Variants in RIN3 observed in about 807,000 individuals in gnomAD.
The protein encoded by RIN3 is RAB5 interacting protein 3.
RIN3 carries 54 observed loss-of-function variants against 76.3 expected under a neutral mutation model. That is an observed-to-expected ratio of 0.71 (90% confidence interval 0.57 to 0.89). The LOEUF (loss-of-function observed/expected upper bound fraction) is 0.89, where lower values mean the gene tolerates loss of function less well. RIN3 is among the 40% of genes least tolerant of loss of function. The pLI, the probability that RIN3 is intolerant of heterozygous loss-of-function variation, is 0.00. For synonymous variants in RIN3, 576 were observed against 564.0 expected (o/e 1.02, Z -0.30); for missense variants, 1,256 against 1,322.1 (o/e 0.95, Z 0.78).
chr14:92,632,097 A>C (rs1886607050), intron 4 of RIN3, among the ~76,000 whole-genome samples: 1 of 152,158 alleles, frequency 6.6e-6, no homozygotes, highest in Admixed American at 6.5e-5. Context: ...GGGTGACCCC[A>C]ACCTCAGTCT....
chr14:92,668,943 G>A (rs972037938), intron 7 of RIN3, among the ~76,000 whole-genome samples: 5 of 152,260 alleles, frequency 3.3e-5, no homozygotes, highest in African/African-American at 7.2e-5. Context: ...GCTGTCATAC[G>A]TTTTTATCAA....
intron 3 of RIN3, among the ~76,000 whole-genome samples, chr14:92,595,736 C>A (rs1379841962): frequency 6.6e-6 from 1 of 152,174 alleles, no homozygotes; most frequent in Non-Finnish European, 1.5e-5. Flanking sequence ...GAGACAGATA[C>A]AAAATGCCTT....
chr14:92,666,152 C>A (rs868638106), intron 7 of RIN3, among the ~76,000 whole-genome samples: 1 of 151,898 alleles, frequency 6.6e-6, no homozygotes, highest in Non-Finnish European at 1.5e-5. Flanking sequence ...GTCTTCCCAG[C>A]CCCCTCACCT....
chr14:92,532,125 C>T (rs60067114), intron 1 of RIN3, among the ~76,000 whole-genome samples: 27,974 of 151,960 alleles, frequency 0.18, 2,592 homozygotes, highest in Admixed American at 0.23. Flanking sequence ...GATGAGGTTT[C>T]ACCATGTTGG....
At position 92,643,804 on chromosome 14, in the gene RIN3, T is replaced by C. The variant is rs1887099374; in HGVS notation, c.532+2475T>C. Reference sequence around the variant, plus strand: ...TTAAGTGGGCATAATGGCATGTGCCTGTAATCCCAGCTACTCCGGAGGCTG... The same window carrying C: ...TTAAGTGGGCATAATGGCATGTGCCCGTAATCCCAGCTACTCCGGAGGCTG... On this transcript the variant is annotated intron_variant, in intron 5 of 9. Transcript: ENST00000216487. The surrounding 1 kb of genome is among the most constrained non-coding windows in gnomAD (Gnocchi z 4.8). Among the ~76,000 whole-genome samples, 1 of 152,174 alleles carries C rather than the reference T, an allele frequency of 6.6e-6. No homozygotes were observed. The highest frequency in any genetic ancestry group is 2.1e-4 in the South Asian group (1 of 4,828).
chr14:92,545,101 C>T (rs1555382417), intron 1 of RIN3, among the ~76,000 whole-genome samples: 2 of 129,410 alleles, frequency 1.5e-5, no homozygotes, highest in African/African-American at 2.8e-5. Flanking sequence ...TTTTAACTTT[C>T]TGGTGTTTTT....
At position 92,651,601 on chromosome 14, in the gene RIN3, G is replaced by A; in HGVS notation, c.552G>A (p.Leu184=). The A allele has an allele frequency of 6.2e-7, 1 of 1,603,774 alleles. No individual in the cohort carries two copies. The highest frequency in any genetic ancestry group is 1.4e-5 in the African/African-American group (1 of 74,044). Reference sequence around the variant, plus strand: ...CCACAGGTTTCTGGGACTCCTCGCTGAATCCTCCACAAGAAAGAGGGAAGC... The same window carrying A: ...CCACAGGTTTCTGGGACTCCTCGCTAAATCCTCCACAAGAAAGAGGGAAGC... ...NLGLGFWDSS[L]NPPQERGKPA... The change falls in exon 6 of 10, where the codon CTG becomes CTA. Residue 184 remains leucine (L), a synonymous_variant. Transcript: ENST00000216487.
rs1460447744 is a variant in RIN3, at chr14:92,514,202, G to T, written c.44+226G>T. The stretch of plus-strand genomic sequence containing the variant: ...GATGTTGGCTAAACTTTCAAGGCCA[G>T]GCATTTCACTGGGAACCCAGTGCAC... On this transcript the variant is annotated intron_variant, in intron 1 of 9. Transcript: ENST00000216487. This position sits in a 1 kb window ranked among gnomAD's most constrained non-coding sequence, Gnocchi z 7.2. 1.3e-5 allele frequency among the ~76,000 whole-genome samples: 2 copies of T among 152,210 alleles called. No homozygotes were observed. The highest frequency in any genetic ancestry group is 2.9e-5 in the Non-Finnish European group (2 of 68,016).
chr14:92,528,412 A>G (rs1896802561), intron 1 of RIN3, among the ~76,000 whole-genome samples: 1 of 152,198 alleles, frequency 6.6e-6, no homozygotes, highest in African/African-American at 2.4e-5. Context: ...CTGTAAAATG[A>G]CAGCCTCTAA....
chr14:92,665,446 T>G (rs1888056530), intron 7 of RIN3, among the ~76,000 whole-genome samples: 1 of 140,184 alleles, frequency 7.1e-6, no homozygotes, highest in Non-Finnish European at 1.5e-5. Flanking sequence ...TGGCGCAATC[T>G]CGGCTCACTG....
chr14:92,630,520 C>T (rs973979039), intron 4 of RIN3, among the ~76,000 whole-genome samples: 2 of 152,188 alleles, frequency 1.3e-5, no homozygotes, highest in Admixed American at 6.5e-5. Flanking sequence ...GCCCCCACAC[C>T]CAGTCAGTGC....
intron 2 of RIN3, among the ~76,000 whole-genome samples, chr14:92,570,104 C>T (rs1467895509): frequency 6.6e-6 from 1 of 152,198 alleles, no homozygotes. Flanking sequence ...GTGTCCCCTG[C>T]ACGTGCAACA....
chr14:92,518,823 G>GTA (rs1349760190), intron 1 of RIN3, among the ~76,000 whole-genome samples: 12 of 151,698 alleles, frequency 7.9e-5, no homozygotes, highest in African/African-American at 2.9e-4. Flanking sequence ...GTGTGTGTGT[G>GTA]TGTCAGCATC....
intron 4 of RIN3, among the ~76,000 whole-genome samples, chr14:92,632,961 T>C (rs1464343281): frequency 6.6e-6 from 1 of 152,176 alleles, no homozygotes; most frequent in African/African-American, 2.4e-5. Flanking sequence ...CCGCAGGTGC[T>C]GTGAGCCTGT....
intron 3 of RIN3, among the ~76,000 whole-genome samples, chr14:92,610,132 TC>T (rs1324667656): frequency 1.3e-5 from 2 of 152,162 alleles, no homozygotes; most frequent in Non-Finnish European, 2.9e-5. Context: ...ATCATCACAG[TC>T]AGTTAAGAAC....
Position 92,652,922 on chromosome 14 carries a change from G to C in RIN3, c.1873G>C (p.Val625Leu), listed in dbSNP as rs1212763018. ...YFGSLVQDYK[V>L]YSLEMMARQT... ...TGGCAGCCTGGTGCAGGACTACAAG[G>C]TGTACAGCCTGGAGATGATGGCGCG... The change falls in exon 6 of 10, where the codon GTG becomes CTG. Residue 625 changes from valine to leucine, a missense_variant. This residue lies in a region of RIN3 where 428 missense variants were observed against 521.2 expected (regional missense o/e 0.82). Coordinates refer to ENST00000216487, the MANE Select transcript of RIN3 (RefSeq NM_024832.5). This position sits in a 1 kb window ranked among gnomAD's most constrained non-coding sequence, Gnocchi z 6.4. 1 of 1,614,014 alleles carries C rather than the reference G, an allele frequency of 6.2e-7. No homozygotes were observed. Among genetic ancestry groups the C allele is most frequent in the South Asian group, 1.1e-5 (1 of 91,090 alleles).
chr14:92,642,882 G>A (rs935007412), intron 5 of RIN3, among the ~76,000 whole-genome samples: 7 of 152,120 alleles, frequency 4.6e-5, no homozygotes, highest in African/African-American at 9.7e-5. Flanking sequence ...TTGGCTCGTC[G>A]CAGCTTCAAA....
chr14:92,560,754 C>T (rs1372545277), intron 2 of RIN3, among the ~76,000 whole-genome samples: 1 of 151,836 alleles, frequency 6.6e-6, no homozygotes, highest in East Asian at 1.9e-4. Context: ...TGCGGTGGCT[C>T]ATGTCTATAA....
At chr14:92,609,185 A>G (rs1885632183) in intron 3 of RIN3, among the ~76,000 whole-genome samples, 1 of 152,160 alleles carries the variant, frequency 6.6e-6, no homozygotes, top group Non-Finnish European at 1.5e-5. Context: ...AAAAACAAAA[A>G]CACCTAATCG....
Sources: allele counts gnomAD v4.1 joint callset (sites outside exome capture counted in the v4.1 genomes callset), GRCh38; gene constraint gnomAD v4.1.1; regional missense constraint gnomAD v4.1.1; non-coding constraint Gnocchi (gnomAD v3.1); transcripts MANE v1.5; gene names NCBI Gene and HGNC (gene_info 2026-07-23, HGNC 2026-07-21).